CCNJL: variants seen among roughly 807,000 people sequenced by gnomAD.
CCNJL encodes cyclin-J-like protein.
In CCNJL, 33 loss-of-function variants were observed where a neutral mutation model predicts 33.4. That is an observed-to-expected ratio of 0.99 (90% CI 0.75 to 1.32). The LOEUF (loss-of-function observed/expected upper bound fraction) is 1.32. Among genes scored for constraint, CCNJL ranks in the 40% most tolerant of loss-of-function variants. The probability of loss-of-function intolerance (pLI) is 0.00; values close to 1 mark genes in which losing one functional copy is unlikely to be tolerated. For missense variants in CCNJL, 512 were observed against 499.7 expected (o/e 1.02, Z -0.23); for synonymous variants, 227 against 220.9 (o/e 1.03, Z -0.24).
At chr5:160,298,331 T>C (rs72812260) in intron 2 of CCNJL, among the ~76,000 whole-genome samples, 3,241 of 150,956 alleles carry the variant, frequency 0.021, 40 homozygotes, top group Non-Finnish European at 0.031. Context: ...TGCGCTCCAG[T>C]GTGGGCAACA....
intron 2 of CCNJL, among the ~76,000 whole-genome samples, chr5:160,292,685 TTATA>T (rs199711109): frequency 2.0e-5 from 3 of 149,996 alleles, no homozygotes; most frequent in Admixed American, 6.7e-5. Flanking sequence ...TATAGTAGTT[TTATA>T]TATATATATA....
At chr5:160,295,443 G>C (rs542742040) in intron 2 of CCNJL, among the ~76,000 whole-genome samples, 2 of 152,258 alleles carry the variant, frequency 1.3e-5, no homozygotes, top group African/African-American at 4.8e-5. Context: ...AGCCGAGATC[G>C]CGCCACTGCA....
At chr5:160,285,676 A>G (rs939238714) in intron 2 of CCNJL, among the ~76,000 whole-genome samples, 1 of 152,260 alleles carries the variant, frequency 6.6e-6, no homozygotes, top group African/African-American at 2.4e-5. Context: ...GCAAAGCCAC[A>G]CAAGTGTCCC....
At chr5:160,300,971 T>C (rs1190477479) in intron 2 of CCNJL, among the ~76,000 whole-genome samples, 1 of 152,204 alleles carries the variant, frequency 6.6e-6, no homozygotes, top group African/African-American at 2.4e-5. Context: ...ACTAGCGCAA[T>C]CTTGTGGGAA....
chr5:160,291,079 A>G (rs1762568791), intron 2 of CCNJL, among the ~76,000 whole-genome samples: 1 of 150,654 alleles, frequency 6.6e-6, no homozygotes, highest in African/African-American at 2.4e-5. Flanking sequence ...AGAGAGAGAG[A>G]AAGAAAGAAA....
chr5:160,296,232 G>A (rs980511341), intron 2 of CCNJL, among the ~76,000 whole-genome samples: 12 of 152,146 alleles, frequency 7.9e-5, no homozygotes, highest in African/African-American at 2.9e-4. Context: ...CATACACAAG[G>A]CACTTAACAG....
intron 1 of CCNJL, among the ~76,000 whole-genome samples, chr5:160,321,478 C>T (rs1036668791): frequency 1.7e-4 from 26 of 152,160 alleles, no homozygotes; most frequent in African/African-American, 6.3e-4. Flanking sequence ...GCTTCCGTAG[C>T]TTCCAGGGCT....
At chr5:160,320,225 C>T (rs1403512938) in intron 1 of CCNJL, among the ~76,000 whole-genome samples, 1 of 152,192 alleles carries the variant, frequency 6.6e-6, no homozygotes, top group Non-Finnish European at 1.5e-5. Context: ...ATAATAATAA[C>T]AGAGCAGGCT....
At chr5:160,320,797 C>CTT (rs1429477977) in intron 1 of CCNJL, among the ~76,000 whole-genome samples, 1 of 46,604 alleles carries the variant, frequency 2.1e-5, no homozygotes, top group Non-Finnish European at 5.0e-5. Flanking sequence ...TCCTTTCTTT[C>CTT]TTTCTTTCTT....
chr5:160,255,655 C>T lies in CCNJL; in HGVS notation c.637G>A (p.Ala213Thr), dbSNP rs1761029869. The change falls in exon 5 of 6, where the codon GCC (alanine) becomes ACC (threonine). Residue 213 changes from alanine (A) to threonine (T), a missense_variant. Physicochemically the swap from Ala to Thr is moderately conservative, Grantham distance 58. Transcript: ENST00000257536. ...GAAAGCTGCAGGCAAATCCTGGAGG[C>T]CCCAACACAGGCCGCAGCGACCACA... Reference protein sequence around the residue: ...PSVVAAACVGASRICLQLSPY... With the variant: ...PSVVAAACVGTSRICLQLSPY... The T allele has an allele frequency of 6.2e-7, 1 of 1,614,072 alleles. No homozygotes were observed. Among genetic ancestry groups the T allele is most frequent in the East Asian group, 2.2e-5 (1 of 44,880 alleles).
At chr5:160,268,185 G>A (rs1386063858) in intron 3 of CCNJL, among the ~76,000 whole-genome samples, 1 of 152,226 alleles carries the variant, frequency 6.6e-6, no homozygotes, top group Non-Finnish European at 1.5e-5. Flanking sequence ...AACCAGGGGA[G>A]ACAGATTTTG....
chr5:160,264,660 C>G (rs1296864310), intron 3 of CCNJL, among the ~76,000 whole-genome samples: 1 of 152,126 alleles, frequency 6.6e-6, no homozygotes, highest in Non-Finnish European at 1.5e-5. Context: ...GCCATCACCA[C>G]CATCCCTCTC....
At chr5:160,329,945 T>C (rs1763585463) in intron 1 of CCNJL, among the ~76,000 whole-genome samples, 1 of 152,176 alleles carries the variant, frequency 6.6e-6, no homozygotes, top group Non-Finnish European at 1.5e-5. Flanking sequence ...CACCACCCTC[T>C]CTTTGCTCCT....
chr5:160,286,282 C>T (rs896020736), intron 2 of CCNJL, among the ~76,000 whole-genome samples: 1 of 152,298 alleles, frequency 6.6e-6, no homozygotes, highest in Non-Finnish European at 1.5e-5. Context: ...CTTTCCTGTA[C>T]GTGTTCCTGG....
At position 160,311,974 on chromosome 5, in the gene CCNJL, T is replaced by C; in HGVS notation, c.-49-2A>G. On this transcript the variant is annotated splice_acceptor_variant, in intron 1 of 5. Coordinates refer to ENST00000257536, the MANE Select transcript of CCNJL (RefSeq NM_001308173.3). LOFTEE classifies it low-confidence loss of function (5UTR_SPLICE). Reference sequence around the variant, plus strand: ...GCTACCCGGCTCTCAGGGCGCACCCTGCGTGGACACGGGCAACTTCAGCGG... The same window carrying C: ...GCTACCCGGCTCTCAGGGCGCACCCCGCGTGGACACGGGCAACTTCAGCGG... 6.4e-7 allele frequency: 1 copy of C among 1,570,162 alleles called. No individual in the cohort carries two copies. Among genetic ancestry groups the C allele is most frequent in the South Asian group, 1.1e-5 (1 of 90,154 alleles).
intron 1 of CCNJL, among the ~76,000 whole-genome samples, chr5:160,327,873 C>CAAACAA (rs984657133): frequency 2.6e-5 from 4 of 151,156 alleles, no homozygotes; most frequent in African/African-American, 9.8e-5. Flanking sequence ...AAATTGTAAA[C>CAAACAA]AAACAAAAAC....
At chr5:160,291,306 G>T (rs879563414) in intron 2 of CCNJL, among the ~76,000 whole-genome samples, 3 of 152,062 alleles carry the variant, frequency 2.0e-5, no homozygotes, top group Non-Finnish European at 2.9e-5. Context: ...GTGTTCTGTG[G>T]CACACTAGTC....
chr5:160,300,851 A>G (rs922478332), intron 2 of CCNJL, among the ~76,000 whole-genome samples: 1 of 152,170 alleles, frequency 6.6e-6, no homozygotes, highest in African/African-American at 2.4e-5. Flanking sequence ...ACAGCCATTC[A>G]GCACCATTTT....
intron 2 of CCNJL, among the ~76,000 whole-genome samples, chr5:160,307,965 G>A (rs569598953): frequency 1.3e-5 from 2 of 152,240 alleles, no homozygotes; most frequent in Non-Finnish European, 2.9e-5. Context: ...TTACCAATGG[G>A]GTCTCACTCC....
Sources: gnomAD v4.1 joint callset for allele counts (sites outside exome capture counted in the v4.1 genomes callset) on GRCh38, gnomAD v4.1.1 for gene constraint, MANE v1.5 for transcripts, NCBI Gene and HGNC (gene_info 2026-07-23, HGNC 2026-07-21) for gene names.